The following ANKRD36C variants were observed in gnomAD, a reference collection of about 807,000 sequenced individuals.
ANKRD36C encodes the protein ankyrin repeat domain-containing protein 36C.
Under a neutral mutation model 276.4 loss-of-function variants are expected in ANKRD36C, and 61 were observed. That is an observed-to-expected ratio of 0.22 (90% confidence interval 0.18 to 0.27). The LOEUF (loss-of-function observed/expected upper bound fraction) is 0.27, where lower values mean the gene tolerates loss of function less well. ANKRD36C is among the 10% of genes least tolerant of loss of function. The probability of loss-of-function intolerance (pLI) is 1.00; values close to 1 mark genes in which losing one functional copy is unlikely to be tolerated. For missense variants in ANKRD36C, 1,447 were observed against 2,032.3 expected (o/e 0.71, Z 5.54); for synonymous variants, 483 against 680.1 (o/e 0.71, Z 4.51).
chr2:95,914,952 A>G (rs1677049112), intron 38 of ANKRD36C, among the ~76,000 whole-genome samples: 1 of 151,496 alleles, frequency 6.6e-6, no homozygotes, highest in South Asian at 2.1e-4. Context: ...ACGTTTCTTC[A>G]TCCACTCATG....
chr2:95,892,598 C>T (rs62153678), intron 44 of ANKRD36C, among the ~76,000 whole-genome samples: 42,127 of 151,362 alleles, frequency 0.28, 6,756 homozygotes, highest in East Asian at 0.48. Flanking sequence ...AGTAAAGCTG[C>T]TACAAGCATT....
At chr2:95,898,064 C>T (rs1236186991) in intron 44 of ANKRD36C, among the ~76,000 whole-genome samples, 5 of 149,050 alleles carry the variant, frequency 3.4e-5, no homozygotes, top group Admixed American at 1.3e-4. Context: ...GTGTAATAAT[C>T]TGCCTAAGTT....
At chr2:95,913,838 A>T (rs1283866906) in intron 40 of ANKRD36C, among the ~76,000 whole-genome samples, 1 of 151,400 alleles carries the variant, frequency 6.6e-6, no homozygotes, top group Non-Finnish European at 1.5e-5. Context: ...AAGCAAAATT[A>T]TGTTGTTCCC....
intron 3 of ANKRD36C, among the ~76,000 whole-genome samples, chr2:95,984,065 T>C (rs1300150071): frequency 6.6e-6 from 1 of 152,198 alleles, no homozygotes; most frequent in African/African-American, 2.4e-5. Context: ...TGTATAAAGA[T>C]AAATAGTTTA....
At chr2:95,860,235 G>A (rs1375968636) in intron 60 of ANKRD36C, among the ~76,000 whole-genome samples, 161 bp from the exon 81 acceptor site, 3 of 151,594 alleles carry the variant, frequency 2.0e-5, no homozygotes. Context: ...CTGCAGGTAA[G>A]ACAACACCTC....
chr2:95,962,608 T>C (rs938953256), intron 6 of ANKRD36C, 61 bp from the exon 7 acceptor site: 95 of 1,578,436 alleles, frequency 6.0e-5, no homozygotes, highest in Non-Finnish European at 7.7e-5. Context: ...TATCCATACA[T>C]TCATGCACTG....
At chr2:95,876,071 C>T (rs1327960059) in intron 59 of ANKRD36C, 1 of 354,336 alleles carries the variant, frequency 2.8e-6, no homozygotes, top group Non-Finnish European at 5.6e-6. Context: ...ATAATTACTC[C>T]TTTAATCTGA....
At chr2:95,962,880 C>T (rs78689810) in intron 6 of ANKRD36C, among the ~76,000 whole-genome samples, 86 of 151,686 alleles carry the variant, frequency 5.7e-4, no homozygotes, top group Middle Eastern at 3.4e-3. Flanking sequence ...CATGCACCTG[C>T]GAATCAATGT....
intron 13 of ANKRD36C, among the ~76,000 whole-genome samples, chr2:95,954,334 T>G (rs972027479): frequency 4.0e-5 from 6 of 151,886 alleles, no homozygotes. Flanking sequence ...TTATCTACCA[T>G]AAAGGCTAAA....
chr2:95,888,259 G>A, intron 48 of ANKRD36C, 139 bp from the exon 69 acceptor site: 5 of 1,464,300 alleles, frequency 3.4e-6, no homozygotes, highest in Non-Finnish European at 1.9e-6. Flanking sequence ...TTGTGACTGG[G>A]GACTGGAATA....
intron 46 of ANKRD36C, 68 bp downstream of exon 66, chr2:95,891,597 T>C (rs1014850447): frequency 2.0e-5 from 30 of 1,503,422 alleles, no homozygotes; most frequent in Non-Finnish European, 2.7e-5. Context: ...CCCCGCTGAT[T>C]TATTCAGGGA....
At chr2:95,882,246 G>A in intron 56 of ANKRD36C, 56 bp downstream of exon 76, 1 of 1,543,874 alleles carries the variant, frequency 6.5e-7, no homozygotes, top group Non-Finnish European at 8.8e-7. Flanking sequence ...TTCAGGGGTG[G>A]GACATTGTCT....
intron 40 of ANKRD36C, among the ~76,000 whole-genome samples, chr2:95,913,331 A>T (rs528566526): frequency 1.9e-4 from 28 of 151,174 alleles, no homozygotes; most frequent in Non-Finnish European, 3.6e-4. Context: ...AGTTTCATTA[A>T]ATAGCTATTT....
chr2:95,908,418 C>T (rs1265121879), intron 42 of ANKRD36C, 84 bp downstream of exon 48: 253 of 1,256,926 alleles, frequency 2.0e-4, no homozygotes, highest in Non-Finnish European at 2.6e-4. Flanking sequence ...GCAGCTTCAA[C>T]GAGCCCCCCG....
rs553486770 is a variant in ANKRD36C, at chr2:95,893,651, G to C, written c.2756-1791C>G. ...AATAATAAATAAAATATGTTTCATA[G>C]ACCATACATTAACTCGTTCACAATA... On this transcript the variant is annotated intron_variant, in intron 44 of 66. Transcript: ENST00000456556. 1.2e-4 allele frequency: 191 copies of C among 1,597,016 alleles called. 1 individual carries two copies. The African/African-American group carries it at 2.2e-3, about 19-fold the overall frequency.
At chr2:95,980,823 A>T (rs779240386) in intron 4 of ANKRD36C, 38 bp from the exon 5 acceptor site, 7 of 1,547,340 alleles carry the variant, frequency 4.5e-6, no homozygotes, top group African/African-American at 1.4e-5. Flanking sequence ...CTTTAATGAC[A>T]TTTTAAAAGC....
chr2:95,892,263 T>C (rs1056603584), intron 44 of ANKRD36C, among the ~76,000 whole-genome samples: 2 of 151,504 alleles, frequency 1.3e-5, no homozygotes, highest in African/African-American at 4.8e-5. Context: ...ATTTACACCA[T>C]TATACTACAA....
At chr2:95,913,898 T>G (rs1677009017) in intron 40 of ANKRD36C, among the ~76,000 whole-genome samples, 1 of 151,430 alleles carries the variant, frequency 6.6e-6, no homozygotes, top group Non-Finnish European at 1.5e-5. Context: ...CTTCCCAGTT[T>G]CAATGTGGGG....
At chr2:95,860,788 C>T (rs1200856102) in intron 60 of ANKRD36C, among the ~76,000 whole-genome samples, 7 of 151,842 alleles carry the variant, frequency 4.6e-5, no homozygotes, top group East Asian at 1.9e-4. Flanking sequence ...GCCAGTAAAA[C>T]GAAAGCAGAT....
Sources: gnomAD v4.1 joint callset for allele counts (sites outside exome capture counted in the v4.1 genomes callset) on GRCh38, gnomAD v4.1.1 for gene constraint, MANE v1.5 for transcripts, NCBI Gene and HGNC (gene_info 2026-07-23, HGNC 2026-07-21) for gene names.